OR52N1: variants seen among roughly 807,000 people sequenced by gnomAD.
OR52N1 encodes the protein olfactory receptor family 52 subfamily N member 1.
In OR52N1, 11 loss-of-function variants were observed where a neutral mutation model predicts 13.9. The observed-to-expected ratio is 0.79, with a 90% confidence interval of 0.50 to 1.31. The LOEUF is 1.31. Among genes scored for constraint, OR52N1 ranks in the 40% most tolerant of loss-of-function variants. The pLI, the probability that OR52N1 is intolerant of heterozygous loss-of-function variation, is 0.00. For missense variants in OR52N1, 414 were observed against 397.7 expected (o/e 1.04, Z -0.35); for synonymous variants, 142 against 143.7 (o/e 0.99, Z 0.08).
chr11:5,789,743 G>A lies in OR52N1; in HGVS notation c.-44-883C>T, dbSNP rs1471642848. ...AATATTTTTATCAAATATTTTTGAGGCTATGTAATCTCCAAAACTAAGTTT... is the reference window on the plus strand; with the variant it reads ...AATATTTTTATCAAATATTTTTGAGACTATGTAATCTCCAAAACTAAGTTT... On this transcript the variant is annotated intron_variant, in intron 1 of 1. Coordinates refer to ENST00000641645, the MANE Select transcript of OR52N1 (RefSeq NM_001001913.2). Among the ~76,000 whole-genome samples, 4 of 152,004 alleles carry A rather than the reference G, an allele frequency of 2.6e-5. No individual in the cohort carries two copies. In the East Asian group the frequency reaches 5.8e-4, roughly 22 times the overall value.
At position 5,788,285 on chromosome 11, in the gene OR52N1, G is replaced by T. The variant is rs775928411; in HGVS notation, c.532C>A (p.His178Asn). 6.2e-7 allele frequency: 1 copy of T among 1,613,936 alleles called. No homozygotes were observed. The highest frequency in any genetic ancestry group is 1.3e-5 in the African/African-American group (1 of 74,928). The change falls in exon 2 of 2, where the codon CAC becomes AAC. Residue 178 changes from histidine to asparagine, a missense_variant. Coordinates refer to ENST00000641645, the MANE Select transcript of OR52N1 (RefSeq NM_001001913.2). ...ACAGACATGTGGTCACAGTAGGTGTGGGGTATGACGTTGCCCTTGCAGTAT... is the reference window on the plus strand; with the variant it reads ...ACAGACATGTGGTCACAGTAGGTGTTGGGTATGACGTTGCCCTTGCAGTAT... ...LPYCKGNVIPHTYCDHMSVAK... is the reference protein window; with the variant it reads ...LPYCKGNVIPNTYCDHMSVAK...
chr11:5,790,095 A>C (rs943303269), intron 1 of OR52N1, among the ~76,000 whole-genome samples: 1 of 152,124 alleles, frequency 6.6e-6, no homozygotes, highest in Admixed American at 6.6e-5. Flanking sequence ...AAAAATATCA[A>C]TATTGATATT....
intron 1 of OR52N1, among the ~76,000 whole-genome samples, chr11:5,790,845 C>T (rs1362258330): frequency 6.6e-6 from 1 of 151,956 alleles, no homozygotes; most frequent in African/African-American, 2.4e-5. Flanking sequence ...AGACCTTTGT[C>T]AGATACATAG....
Position 5,788,474 on chromosome 11 carries a change from C to G in OR52N1, c.343G>C (p.Gly115Arg), listed in dbSNP as rs1174301588. The change falls in exon 2 of 2, where the codon GGG (glycine) becomes CGG (arginine). Residue 115 changes from glycine (G) to arginine (R), a missense_variant. Physicochemically the swap from Gly to Arg is moderately radical, Grantham distance 125 (BLOSUM62 -2). Coordinates refer to ENST00000641645, the MANE Select transcript of OR52N1 (RefSeq NM_001001913.2). ...FVHTFTGMES[G>R]VLMLMALDHC... ...TCCAGGGCCATGAGCATGAGCACCC[C>G]AGACTCCATCCCTGTGAAGGTGTGC... The G allele has an allele frequency of 7.4e-6, 12 of 1,613,946 alleles. No individual in the cohort carries two copies. The highest frequency in any genetic ancestry group is 9.3e-6 in the Non-Finnish European group (11 of 1,179,982).
Position 5,788,477 on chromosome 11 carries a change from A to T in OR52N1, c.340T>A (p.Ser114Thr). Residue 114 changes from serine to threonine, a missense_variant, in exon 2 of 2, where the codon TCT (serine) becomes ACT (threonine). Transcript: ENST00000641645. ...AGGGCCATGAGCATGAGCACCCCAG[A>T]CTCCATCCCTGTGAAGGTGTGCACA... ...FFVHTFTGME[S>T]GVLMLMALDH... 1 of 1,613,958 alleles carries T rather than the reference A, an allele frequency of 6.2e-7. No individual in the cohort carries two copies. Among genetic ancestry groups the T allele is most frequent in the Admixed American group, 1.7e-5 (1 of 59,984 alleles).
chr11:5,789,623 TA>T (rs773363499), intron 1 of OR52N1, among the ~76,000 whole-genome samples: 2 of 152,054 alleles, frequency 1.3e-5, no homozygotes, highest in Non-Finnish European at 2.9e-5. Flanking sequence ...TTAAACAAAA[TA>T]AATTGACATT....
At position 5,788,655 on chromosome 11, in the gene OR52N1, A is replaced by G. The variant is rs774981754; in HGVS notation, c.162T>C (p.Asp54=). The change falls in exon 2 of 2, where the codon GAT becomes GAC. Residue 54 remains aspartate, a synonymous_variant. Transcript: ENST00000641645. ...CATACATAGGTCTGTGTAAGGCCTCATCACAGTAGATGAGGTACATAAGGC... is the reference window on the plus strand; with the variant it reads ...CATACATAGGTCTGTGTAAGGCCTCGTCACAGTAGATGAGGTACATAAGGC... ...NFGLMYLIYC[D]EALHRPMYVF... The G allele has an allele frequency of 5.0e-6, 8 of 1,613,970 alleles. No homozygotes were observed. The highest frequency in any genetic ancestry group is 5.9e-6 in the Non-Finnish European group (7 of 1,179,984).
At position 5,788,524 on chromosome 11, in the gene OR52N1, G is replaced by A. The variant is rs1590355564; in HGVS notation, c.293C>T (p.Ala98Val). ...WFNLKEIDFK[A>V]CLAQMFFVHT... ...CACAAAGAACATCTGGGCGAGGCAG[G>A]CTTTAAAATCAATCTCCTTGAGATT... The change falls in exon 2 of 2, where the codon GCC (alanine) becomes GTC (valine). Residue 98 changes from alanine to valine, a missense_variant. Transcript: ENST00000641645. 1.9e-6 allele frequency: 3 copies of A among 1,613,990 alleles called. No homozygotes were observed. The highest frequency in any genetic ancestry group is 2.2e-5 in the East Asian group (1 of 44,866).
chr11:5,789,229 C>G (rs1202482073), intron 1 of OR52N1, among the ~76,000 whole-genome samples: 2 of 152,160 alleles, frequency 1.3e-5, no homozygotes, highest in African/African-American at 4.8e-5. Context: ...TAACAGACTT[C>G]ATTAGTTCCT....
At chr11:5,788,899 G>A in intron 1 of OR52N1, 39 bp from the exon 2 acceptor site, 2 of 1,410,040 alleles carry the variant, frequency 1.4e-6, no homozygotes, top group Non-Finnish European at 1.9e-6. Flanking sequence ...ATTTCAAGGA[G>A]TGACTGACCA....
At position 5,788,695 on chromosome 11, in the gene OR52N1, A is replaced by C. The variant is rs1458315098; in HGVS notation, c.122T>G (p.Ile41Ser). The C allele has an allele frequency of 3.1e-6, 5 of 1,613,934 alleles. No individual in the cohort carries two copies. Among genetic ancestry groups the C allele is most frequent in the Non-Finnish European group, 8.5e-7 (1 of 1,179,952 alleles). The change falls in exon 2 of 2, where the codon ATT becomes AGT. Residue 41 changes from isoleucine (I) to serine (S), a missense_variant. Coordinates refer to ENST00000641645, the MANE Select transcript of OR52N1 (RefSeq NM_001001913.2). The part of the protein sequence containing the change: ...FPLCTMYSIA[I>S]TGNFGLMYLI... Reference sequence around the variant, plus strand: ...GTACATAAGGCCGAAGTTCCCTGTAATAGCAATGCTGTACATGGTACACAG... The same window carrying C: ...GTACATAAGGCCGAAGTTCCCTGTACTAGCAATGCTGTACATGGTACACAG...
At chr11:5,788,939 G>C in intron 1 of OR52N1, 79 bp from the exon 2 acceptor site, 2 of 1,071,686 alleles carry the variant, frequency 1.9e-6, no homozygotes, top group Non-Finnish European at 2.7e-6. Context: ...TGGCTATTTT[G>C]TTTTCCTTGT....
chr11:5,787,660 C>T lies in OR52N1; in HGVS notation c.*194G>A, dbSNP rs1352174047. ...TTCGAAGTCCTCTATAGTAAAAAGGCTTTAAAGAACATGGAATAACATAAG... is the reference window on the plus strand; with the variant it reads ...TTCGAAGTCCTCTATAGTAAAAAGGTTTTAAAGAACATGGAATAACATAAG... On this transcript the variant is annotated 3_prime_UTR_variant, in exon 2 of 2. Transcript: ENST00000641645. The T allele has an allele frequency of 2.0e-6, 1 of 503,314 alleles. No individual in the cohort carries two copies. The highest frequency in any genetic ancestry group is 3.4e-6 in the Non-Finnish European group (1 of 292,012). The allele number at this position is 503,314 out of a possible 1,614,324, so 31.2% of individuals were successfully genotyped here.
chr11:5,789,267 T>A (rs1033906190), intron 1 of OR52N1, among the ~76,000 whole-genome samples: 1 of 152,212 alleles, frequency 6.6e-6, no homozygotes, highest in African/African-American at 2.4e-5. Context: ...ATTAAATCTG[T>A]CCTAATGGAC....
chr11:5,787,785 A>C lies in OR52N1; in HGVS notation c.*69T>G. On this transcript the variant is annotated 3_prime_UTR_variant, in exon 2 of 2. Coordinates refer to ENST00000641645, the MANE Select transcript of OR52N1 (RefSeq NM_001001913.2). ...TTCCTGTGGCCAGATTTCTGGTGTC[A>C]TTTAAAGAGCTCCCTATTGACTTGG... 7.9e-7 allele frequency: 1 copy of C among 1,267,430 alleles called. No individual in the cohort carries two copies. 78.5% of individuals were successfully genotyped at this position (1,267,430 alleles called of 1,614,324 possible). A position where few individuals can be genotyped will look rare whatever the true frequency, so the allele number is the denominator to read the frequency against.
At position 5,788,015 on chromosome 11, in the gene OR52N1, C is replaced by T. The variant is rs755746213; in HGVS notation, c.802G>A (p.Gly268Arg). 9 of 1,297,710 alleles carry T rather than the reference C, an allele frequency of 6.9e-6. 1 individual carries two copies. The African/African-American group carries it at 1.7e-4, about 24-fold the overall frequency. 80.4% of individuals were successfully genotyped at this position (1,297,710 alleles called of 1,614,324 possible). A position where few individuals can be genotyped will look rare whatever the true frequency, so the allele number is the denominator to read the frequency against. The change falls in exon 2 of 2, where the codon GGA becomes AGA. Residue 268 changes from glycine (G) to arginine (R), a missense_variant. By Grantham distance (125) the Gly-to-Arg change is moderately radical. Coordinates refer to ENST00000641645, the MANE Select transcript of OR52N1 (RefSeq NM_001001913.2). ...FFTFFTHHFGGHTIPLHIHII... is the reference protein window; with the variant it reads ...FFTFFTHHFGRHTIPLHIHII... ...TGTATGTGTAGAGGAATGGTGTGTCCCCCAAAATGGTGTGTAAAGAAGGTA... is the reference window on the plus strand; with the variant it reads ...TGTATGTGTAGAGGAATGGTGTGTCTCCCAAAATGGTGTGTAAAGAAGGTA...
In OR52N1 at chr11:5,788,682, GA is replaced by G. The variant is rs1348968712; in HGVS notation, c.134del (p.Phe45SerfsTer111). On this transcript the variant is annotated frameshift_variant, in exon 2 of 2. Transcript: ENST00000641645. LOFTEE classifies it high-confidence loss of function. ...CACAGTAGATGAGGTACATAAGGCC[GA>G]AGTTCCCTGTAATAGCAATGCTGTA... ...TMYSIAITGN[F>X]GLMYLIYCDE... 3 of 1,613,842 alleles carry G rather than the reference GA, an allele frequency of 1.9e-6. No individual in the cohort carries two copies. The highest frequency in any genetic ancestry group is 2.5e-6 in the Non-Finnish European group (3 of 1,179,948).
intron 1 of OR52N1, among the ~76,000 whole-genome samples, chr11:5,790,707 C>T (rs1399756611): frequency 6.6e-6 from 1 of 152,048 alleles, no homozygotes; most frequent in East Asian, 1.9e-4. Flanking sequence ...TGATGTTGAG[C>T]TTTTTCTCAT....
chr11:5,786,854 G>T lies in OR52N1; in HGVS notation c.*1000C>A, dbSNP rs1947400. 0.92 allele frequency: 127,317 copies of T among 138,398 alleles called. 60,385 individuals are homozygous for T. The highest frequency in any genetic ancestry group is 0.98 in the Middle Eastern group (258 of 264). The allele number at this position is 138,398 out of a possible 1,614,324, so 8.6% of individuals were successfully genotyped here. ...ATATGCACATATTATTTATGCTAAA[G>T]TTAACATACTTCTGAAAGAAAAGAA... On this transcript the variant is annotated 3_prime_UTR_variant, in exon 2 of 2. Transcript: ENST00000641645.
Sources: allele counts gnomAD v4.1 joint callset (sites outside exome capture counted in the v4.1 genomes callset), GRCh38; gene constraint gnomAD v4.1.1; transcripts MANE v1.5; gene names NCBI Gene and HGNC (gene_info 2026-07-23, HGNC 2026-07-21).